SGCD: variants seen among roughly 807,000 people sequenced by gnomAD.
SGCD encodes delta-sarcoglycan.
A neutral mutation model predicts 36.6 loss-of-function variants in SGCD; 18 were observed. The observed-to-expected ratio is 0.49, with a 90% CI of 0.34 to 0.73. SGCD has a LOEUF of 0.73. Ranked by LOEUF, SGCD falls within the 30% of genes least tolerant of loss-of-function variation. SGCD has a pLI of 0.01. For synonymous variants in SGCD, 133 were observed against 130.6 expected, an observed-to-expected ratio of 1.02 and a Z score of -0.12; for missense variants, 387 against 346.7, an observed-to-expected ratio of 1.12 and a Z score of -0.92.
chr5:156,610,663 G>T (rs1474823341), intron 6 of SGCD, among the ~76,000 whole-genome samples: 1 of 152,254 alleles, frequency 6.6e-6, no homozygotes, highest in South Asian at 2.1e-4. Flanking sequence ...AGGCAGGCAG[G>T]TCTCCTTGAG....
At chr5:156,000,293 A>C (rs1380759639) in intron 1 of SGCD, among the ~76,000 whole-genome samples, 2 of 152,208 alleles carry the variant, frequency 1.3e-5, no homozygotes, top group Non-Finnish European at 2.9e-5. Context: ...CCAGCAGTAT[A>C]GGATTGCAAA....
chr5:155,828,402 G>A, the SGCD span, among the ~76,000 whole-genome samples: 1 of 152,150 alleles, frequency 6.6e-6, no homozygotes, highest in Admixed American at 6.5e-5. Context: ...TGGCTGTCAA[G>A]ATTCAATGAG....
intron 6 of SGCD, among the ~76,000 whole-genome samples, chr5:156,613,833 A>G (rs1317017868): frequency 6.6e-6 from 1 of 152,250 alleles, no homozygotes; most frequent in African/African-American, 2.4e-5. Context: ...TGCAACATAA[A>G]TATAGCTAAC....
intron 3 of SGCD, among the ~76,000 whole-genome samples, chr5:156,460,777 G>T (rs2127816971): frequency 6.6e-6 from 1 of 152,152 alleles, no homozygotes; most frequent in South Asian, 2.1e-4. Context: ...GTTAAAAGAT[G>T]GTTCACAAAA....
the SGCD span, among the ~76,000 whole-genome samples, chr5:155,841,853 A>G: frequency 2.0e-5 from 3 of 152,110 alleles, no homozygotes; most frequent in Admixed American, 6.5e-5. Context: ...TTTCTGTCCC[A>G]TTCCCTCTCC....
intron 1 of SGCD, among the ~76,000 whole-genome samples, chr5:156,089,919 C>T (rs927815238): frequency 1.3e-5 from 2 of 152,080 alleles, no homozygotes; most frequent in South Asian, 4.2e-4. Flanking sequence ...CATCAGTTTT[C>T]CACAGTTAAT....
the SGCD span, among the ~76,000 whole-genome samples, chr5:155,863,054 GAA>G: frequency 6.6e-6 from 1 of 152,196 alleles, no homozygotes; most frequent in African/African-American, 2.4e-5. Flanking sequence ...GAAAGAAACA[GAA>G]AGATAGATAT....
chr5:156,488,944 T>C (rs934935657), intron 3 of SGCD, among the ~76,000 whole-genome samples: 6 of 152,054 alleles, frequency 3.9e-5, no homozygotes, highest in Non-Finnish European at 5.9e-5. Flanking sequence ...GTTGAATGGA[T>C]TAAAATTAAT....
At chr5:155,806,231 C>T in the SGCD span, among the ~76,000 whole-genome samples, 39 of 152,116 alleles carry the variant, frequency 2.6e-4, no homozygotes, top group African/African-American at 8.9e-4. Flanking sequence ...ATCAAATCAC[C>T]GCCACCTCCG....
intron 1 of SGCD, among the ~76,000 whole-genome samples, chr5:155,965,530 C>A (rs1757885406): frequency 6.6e-6 from 1 of 152,142 alleles, no homozygotes; most frequent in South Asian, 2.1e-4. Flanking sequence ...CAGCATTACA[C>A]TGAAGGGTGT....
rs151056691 is a variant in SGCD at position 156,120,939 on chromosome 5, C to T, written c.-207-2917C>T. Among the ~76,000 whole-genome samples, 144 of 152,176 alleles carry T rather than the reference C, an allele frequency of 9.5e-4. 1 individual carries two copies. Among genetic ancestry groups the T allele is most frequent in the Middle Eastern group, 6.8e-3 (2 of 294 alleles). On this transcript the variant is annotated intron_variant, in intron 2 of 9. Coordinates refer to the SGCD transcript ENST00000517913. ...AGACTGTGCCTTGACATTCCAGAAC[C>T]GAGGCCAAGATCATCCTCAAATTGC...
At chr5:156,095,190 A>C (rs1217859414) in intron 1 of SGCD, among the ~76,000 whole-genome samples, 1 of 152,134 alleles carries the variant, frequency 6.6e-6, no homozygotes, top group East Asian at 1.9e-4. Context: ...TGTGTAAAAT[A>C]ATGTTGTTTG....
At chr5:155,791,752 T>C in the SGCD span, among the ~76,000 whole-genome samples, 2 of 151,940 alleles carry the variant, frequency 1.3e-5, no homozygotes, top group East Asian at 3.9e-4. Context: ...CTGAAGTAAA[T>C]CACAGATGAC....
chr5:156,086,795 A>G (rs1220794646), intron 1 of SGCD, among the ~76,000 whole-genome samples: 1 of 152,236 alleles, frequency 6.6e-6, no homozygotes, highest in Non-Finnish European at 1.5e-5. Context: ...AGCTAAACAT[A>G]AAATAAACAA....
intron 1 of SGCD, among the ~76,000 whole-genome samples, chr5:155,900,396 A>G (rs1484143936): frequency 6.6e-6 from 1 of 152,016 alleles, no homozygotes; most frequent in Non-Finnish European, 1.5e-5. Flanking sequence ...CCCTACACAC[A>G]GTTTTTATCT....
At chr5:156,007,858 T>G (rs902824185) in intron 1 of SGCD, among the ~76,000 whole-genome samples, 2 of 152,234 alleles carry the variant, frequency 1.3e-5, no homozygotes, top group Non-Finnish European at 2.9e-5. Flanking sequence ...TCTTTTAATG[T>G]CACATTGAAA....
intron 3 of SGCD, among the ~76,000 whole-genome samples, chr5:156,220,743 C>A (rs1042610166): frequency 4.6e-5 from 7 of 152,200 alleles, no homozygotes; most frequent in East Asian, 1.9e-4. Flanking sequence ...CATATCAGCC[C>A]CTCTCCCACC....
At chr5:156,464,764 GT>G (rs1332080143) in intron 3 of SGCD, among the ~76,000 whole-genome samples, 1 of 152,094 alleles carries the variant, frequency 6.6e-6, no homozygotes, top group Non-Finnish European at 1.5e-5. Context: ...ATACACCACA[GT>G]TCATGAATGT....
chr5:156,237,713 G>A (rs1765202510), intron 3 of SGCD, among the ~76,000 whole-genome samples: 1 of 152,126 alleles, frequency 6.6e-6, no homozygotes, highest in South Asian at 2.1e-4. Context: ...GACATAAATT[G>A]AATGGAGCTG....
Sources: gnomAD v4.1 joint callset for allele counts (sites outside exome capture counted in the v4.1 genomes callset) on GRCh38, gnomAD v4.1.1 for gene constraint, MANE v1.5 for transcripts, NCBI Gene and HGNC (gene_info 2026-07-23, HGNC 2026-07-21) for gene names.